The following SMG7 variants were observed in gnomAD, a reference collection of about 807,000 sequenced individuals.
The protein encoded by SMG7 is SMG7 nonsense mediated mRNA decay factor, also known as nonsense-mediated mRNA decay factor SMG7.
SMG7 carries 34 observed loss-of-function variants against 148.2 expected under a neutral mutation model. The observed-to-expected ratio is 0.23, with a 90% CI of 0.17 to 0.31. SMG7 has a LOEUF of 0.31. SMG7 is among the 10% of genes least tolerant of loss of function. SMG7 has a pLI of 1.00. For missense variants in SMG7, 1,114 were observed against 1,408.4 expected, an observed-to-expected ratio of 0.79 and a Z score of 3.35; for synonymous variants, 492 against 515.1, an observed-to-expected ratio of 0.96 and a Z score of 0.61.
At position 183,493,490 on chromosome 1, in the gene SMG7, G is replaced by A. The variant is rs570206676; in HGVS notation, c.30-19347G>A. Among the ~76,000 whole-genome samples the A allele has an allele frequency of 6.6e-5, 10 of 152,264 alleles. No individual in the cohort carries two copies. The East Asian group carries it at 1.7e-3, about 26-fold the overall frequency. ...TGTGCCATGTGCACTTACAAAGAAG[G>A]TGTATTCTTTTGTTGGGTAAAATGT... On this transcript the variant is annotated intron_variant, in intron 1 of 22. Transcript: ENST00000688051.
At chr1:183,524,693 C>G (rs745577561) in intron 4 of SMG7, among the ~76,000 whole-genome samples, 1 of 152,054 alleles carries the variant, frequency 6.6e-6, no homozygotes, top group East Asian at 1.9e-4. Flanking sequence ...TTAGTCCAGT[C>G]GCTTGATTAT....
chr1:183,536,588 T>A (rs1332800302), intron 10 of SMG7, among the ~76,000 whole-genome samples: 1 of 152,168 alleles, frequency 6.6e-6, no homozygotes, highest in Non-Finnish European at 1.5e-5. Flanking sequence ...TGTTCTAATA[T>A]TTCATGTGTA....
At chr1:183,478,278 CT>C (rs1653173285) in intron 1 of SMG7, among the ~76,000 whole-genome samples, 2 of 152,144 alleles carry the variant, frequency 1.3e-5, no homozygotes, top group Admixed American at 1.3e-4. Flanking sequence ...CATCCCCTTC[CT>C]TTCCACCAGG....
At position 183,527,812 on chromosome 1, in the gene SMG7, A is replaced by G; in HGVS notation, c.485-144A>G. The G allele has an allele frequency of 1.6e-6, 1 of 633,308 alleles. No homozygotes were observed. Among genetic ancestry groups the G allele is most frequent in the South Asian group, 1.7e-5 (1 of 58,372 alleles). The allele number at this position is 633,308 out of a possible 1,614,324, so 39.2% of individuals were successfully genotyped here. A position where few individuals can be genotyped will look rare whatever the true frequency, so the allele number is the denominator to read the frequency against. Reference sequence around the variant, plus strand: ...CACTTCACACATAATCCTATAGTTAATTTGTTTTAAAGTATTTTGTCTTTA... The same window carrying G: ...CACTTCACACATAATCCTATAGTTAGTTTGTTTTAAAGTATTTTGTCTTTA... On this transcript the variant is annotated intron_variant, in intron 5 of 22. Coordinates refer to ENST00000688051, the MANE Select transcript of SMG7 (RefSeq NM_001375584.1). This position sits in a 1 kb window ranked among gnomAD's most constrained non-coding sequence, Gnocchi z 4.0.
chr1:183,485,946 G>A (rs1655314171), intron 1 of SMG7, among the ~76,000 whole-genome samples: 1 of 152,198 alleles, frequency 6.6e-6, no homozygotes, highest in Admixed American at 6.5e-5. Flanking sequence ...AATTGAGACA[G>A]CAAGACTGTG....
At chr1:183,505,491 C>T (rs1244423237) in intron 1 of SMG7, among the ~76,000 whole-genome samples, 1 of 152,104 alleles carries the variant, frequency 6.6e-6, no homozygotes, top group African/African-American at 2.4e-5. Context: ...GAACTAGCTC[C>T]ACCCTTCTGA....
At chr1:183,524,651 G>A (rs924162660) in intron 4 of SMG7, among the ~76,000 whole-genome samples, 2 of 152,110 alleles carry the variant, frequency 1.3e-5, no homozygotes, top group Non-Finnish European at 1.5e-5. Context: ...AAAGAGTGGT[G>A]ATAGAATCAA....
intron 1 of SMG7, among the ~76,000 whole-genome samples, chr1:183,511,700 T>G (rs1204509853): frequency 6.6e-6 from 1 of 152,200 alleles, no homozygotes; most frequent in South Asian, 2.1e-4. Context: ...TTTGCATTTT[T>G]AAAAGATTCC....
intron 1 of SMG7, 117 bp from the exon 2 acceptor site, chr1:183,512,720 T>C: frequency 2.1e-6 from 2 of 931,684 alleles, no homozygotes; most frequent in South Asian, 3.3e-5. Flanking sequence ...ATATAGCTGC[T>C]GTATATCCTT....
intron 1 of SMG7, 187 bp downstream of exon 1, chr1:183,472,836 A>G: frequency 2.2e-6 from 1 of 449,934 alleles, no homozygotes; most frequent in Admixed American, 4.4e-5. Context: ...CCTAGCCCCT[A>G]CCGCCCGGGC....
At chr1:183,533,087 C>A in intron 8 of SMG7, 77 bp from the exon 9 acceptor site, 2 of 1,237,664 alleles carry the variant, frequency 1.6e-6, no homozygotes, top group Non-Finnish European at 2.3e-6. Flanking sequence ...TAAATGCAGA[C>A]TACCAGTTTA....
chr1:183,477,325 T>G (rs1652480354), intron 1 of SMG7, among the ~76,000 whole-genome samples: 1 of 152,198 alleles, frequency 6.6e-6, no homozygotes, highest in African/African-American at 2.4e-5. Flanking sequence ...AGTGTTTCAG[T>G]GAGATCCACT....
In SMG7 at chr1:183,477,518, ATG is replaced by A. The variant is rs1491499090; in HGVS notation, c.29+4876_29+4877del. Among the ~76,000 whole-genome samples the A allele has an allele frequency of 7.9e-4, 118 of 149,526 alleles. 2 individuals are homozygous for A. The Middle Eastern group carries it at 0.01, about 13-fold the overall frequency. ...CATATGTGTATATATGCATATATAC[ATG>A]TGTGTGCATATGTGTATATATGCAT... On this transcript the variant is annotated intron_variant, in intron 1 of 22. Transcript: ENST00000688051.
chr1:183,545,245 A>G lies in SMG7; in HGVS notation c.2303A>G (p.Gln768Arg). ...QLQVQALTQQ[Q>R]QSPTKAVPAL... ...CAGGTTCAAGCTCTAACTCAGCAAC[A>G]ACAATCCCCTACAAAAGCTGTGCCG... The change falls in exon 16 of 23, where the codon CAA becomes CGA. Residue 768 changes from glutamine (Q) to arginine (R), a missense_variant. Gln to Arg is a conservative substitution (Grantham distance 43). Coordinates refer to ENST00000688051, the MANE Select transcript of SMG7 (RefSeq NM_001375584.1). The G allele has an allele frequency of 6.2e-7, 1 of 1,613,920 alleles. No individual in the cohort carries two copies. The highest frequency in any genetic ancestry group is 8.5e-7 in the Non-Finnish European group (1 of 1,180,012).
chr1:183,519,842 A>G (rs934391618), intron 4 of SMG7, among the ~76,000 whole-genome samples: 6 of 152,144 alleles, frequency 3.9e-5, no homozygotes, highest in South Asian at 2.1e-4. Flanking sequence ...CTAATACTGT[A>G]TTATTTCCTG....
At chr1:183,503,180 C>T (rs1660120285) in intron 1 of SMG7, among the ~76,000 whole-genome samples, 1 of 152,154 alleles carries the variant, frequency 6.6e-6, no homozygotes, top group Admixed American at 6.5e-5. Flanking sequence ...TTGTTACTTA[C>T]CTGATAGAAT....
chr1:183,515,868 A>G lies in SMG7; in HGVS notation c.62-6A>G, dbSNP rs752585021. The G allele has an allele frequency of 5.6e-6, 9 of 1,595,866 alleles. No individual in the cohort carries two copies. Among genetic ancestry groups the G allele is most frequent in the Non-Finnish European group, 7.7e-6 (9 of 1,164,584 alleles). On this transcript the variant is annotated splice_region_variant and splice_polypyrimidine_tract_variant and intron_variant, in intron 2 of 22. Transcript: ENST00000688051. ...CTACCGTTATGTTTTTGTTTTTGTT[A>G]CTCAGATTCTAAGCTGGGTCCAGCT...
In SMG7 at chr1:183,527,449, G is replaced by A. The variant is rs1485597030; in HGVS notation, c.485-507G>A. ...ATCAGAGTAAGCAGTGAGTTTGGCA[G>A]GGAGATTCATTGATACTGTGTTTAG... On this transcript the variant is annotated intron_variant, in intron 5 of 22. Coordinates refer to ENST00000688051, the MANE Select transcript of SMG7 (RefSeq NM_001375584.1). This position sits in a 1 kb window ranked among gnomAD's most constrained non-coding sequence, Gnocchi z 4.0. 6.6e-6 allele frequency among the ~76,000 whole-genome samples: 1 copy of A among 152,162 alleles called. No homozygotes were observed. Among genetic ancestry groups the A allele is most frequent in the Non-Finnish European group, 1.5e-5 (1 of 68,026 alleles).
chr1:183,549,837 T>C lies in SMG7; in HGVS notation c.3047T>C (p.Leu1016Pro). The C allele has an allele frequency of 6.2e-7, 1 of 1,613,778 alleles. No homozygotes were observed. The change falls in exon 20 of 23, where the codon CTC becomes CCC. Residue 1016 changes from leucine to proline, a missense_variant. Coordinates refer to ENST00000688051, the MANE Select transcript of SMG7 (RefSeq NM_001375584.1). ...CTGACATCCAGCTCCAAAGCAGAAC[T>C]CAGTCCCTCAATGGCCCCCCAGGAA... Reference protein sequence around the residue: ...KNLTSSSKAELSPSMAPQETS... With the variant: ...KNLTSSSKAEPSPSMAPQETS...
Sources: gnomAD v4.1 joint callset for allele counts (sites outside exome capture counted in the v4.1 genomes callset) on GRCh38, gnomAD v4.1.1 for gene constraint, Gnocchi (gnomAD v3.1) non-coding constraint, MANE v1.5 for transcripts, NCBI Gene and HGNC (gene_info 2026-07-23, HGNC 2026-07-21) for gene names.